The following DPY19L2 variants were observed in gnomAD, a reference collection of about 807,000 sequenced individuals.
DPY19L2 encodes probable C-mannosyltransferase DPY19L2.
DPY19L2 carries 34 observed loss-of-function variants against 97.9 expected under a neutral mutation model. That is an observed-to-expected ratio of 0.35 (90% CI 0.26 to 0.46). DPY19L2 has a LOEUF of 0.46. DPY19L2 is among the 20% of genes least tolerant of loss of function. The probability of loss-of-function intolerance (pLI) is 1.00; values close to 1 mark genes in which losing one functional copy is unlikely to be tolerated. For synonymous variants in DPY19L2, 230 were observed against 307.9 expected, an observed-to-expected ratio of 0.75 and a Z score of 2.65; for missense variants, 623 against 911.4, an observed-to-expected ratio of 0.68 and a Z score of 4.07.
intron 6 of DPY19L2, among the ~76,000 whole-genome samples, chr12:63,632,789 A>G (rs1455882961): frequency 1.7e-4 from 26 of 152,068 alleles, no homozygotes; most frequent in Admixed American, 5.2e-4. Context: ...AAAGCTGGAG[A>G]CATCACACTA....
intron 11 of DPY19L2, among the ~76,000 whole-genome samples, chr12:63,610,841 CAAAAA>C (rs56044043): frequency 5.1e-3 from 55 of 10,738 alleles, no homozygotes; most frequent in African/African-American, 8.4e-3. Flanking sequence ...ATGAATATAG[CAAAAA>C]AAAAAAAAAA....
chr12:63,575,403 T>TA (rs1879639522), intron 19 of DPY19L2, among the ~76,000 whole-genome samples: 1 of 151,520 alleles, frequency 6.6e-6, no homozygotes, highest in African/African-American at 2.4e-5. Context: ...TGATGCTTCT[T>TA]AAAAAACTAG....
intron 16 of DPY19L2, among the ~76,000 whole-genome samples, chr12:63,587,279 A>T (rs2137411859): frequency 6.6e-6 from 1 of 152,190 alleles, no homozygotes; most frequent in South Asian, 2.1e-4. Context: ...TAAAATTACA[A>T]GACAATTTTG....
At chr12:63,639,593 T>C (rs2138070174) in intron 6 of DPY19L2, among the ~76,000 whole-genome samples, 1 of 152,192 alleles carries the variant, frequency 6.6e-6, no homozygotes, top group East Asian at 1.9e-4. Context: ...AACAGACATA[T>C]GAAAAAATGC....
intron 11 of DPY19L2, among the ~76,000 whole-genome samples, chr12:63,609,595 T>C (rs1886622097): frequency 6.6e-6 from 1 of 151,984 alleles, no homozygotes; most frequent in African/African-American, 2.4e-5. Flanking sequence ...AGTTGGCACC[T>C]TGATTTTTGA....
chr12:63,597,741 T>G, intron 14 of DPY19L2, 68 bp downstream of exon 14: 2 of 1,455,112 alleles, frequency 1.4e-6, no homozygotes. Context: ...AATTTTGAGT[T>G]TCAGATTTTA....
At chr12:63,613,542 T>G (rs1329191154) in intron 11 of DPY19L2, among the ~76,000 whole-genome samples, 2 of 151,978 alleles carry the variant, frequency 1.3e-5, no homozygotes, top group Non-Finnish European at 2.9e-5. Context: ...TAAACAAAAC[T>G]TACATTTCAA....
In DPY19L2 at chr12:63,560,279, T is replaced by C. The variant is rs985375204; in HGVS notation, c.*233A>G. 8.1e-6 allele frequency: 3 copies of C among 369,818 alleles called. No individual in the cohort carries two copies. The highest frequency in any genetic ancestry group is 6.2e-5 in the African/African-American group (3 of 48,098). 22.9% of individuals were successfully genotyped at this position (369,818 alleles called of 1,614,324 possible). A position where few individuals can be genotyped will look rare whatever the true frequency, so the allele number is the denominator to read the frequency against. ...AAATTCTGAAATGAACATTTGTTTA[T>C]GCAGTATGACATGAATGATTTAATA... is the stretch of plus-strand genomic sequence containing the variant. On this transcript the variant is annotated 3_prime_UTR_variant, in exon 22 of 22. Transcript: ENST00000324472.
intron 5 of DPY19L2, among the ~76,000 whole-genome samples, chr12:63,646,581 T>TA (rs1344745933): frequency 6.6e-6 from 1 of 152,162 alleles, no homozygotes; most frequent in Non-Finnish European, 1.5e-5. Flanking sequence ...ACTACAGTGT[T>TA]AGTGTTATGA....
chr12:63,632,473 A>C (rs1034760432), intron 6 of DPY19L2, among the ~76,000 whole-genome samples: 1 of 152,206 alleles, frequency 6.6e-6, no homozygotes, highest in Admixed American at 6.5e-5. Context: ...CAATTGCTTC[A>C]AAGAGAATAA....
intron 6 of DPY19L2, among the ~76,000 whole-genome samples, chr12:63,627,538 C>T (rs1304385332): frequency 4.6e-5 from 7 of 152,170 alleles, no homozygotes; most frequent in East Asian, 3.9e-4. Context: ...TTAGTAGAGA[C>T]GGTGCTTCAC....
intron 6 of DPY19L2, among the ~76,000 whole-genome samples, chr12:63,627,625 C>T (rs1889793758): frequency 6.6e-6 from 1 of 152,194 alleles, no homozygotes; most frequent in Admixed American, 6.5e-5. Context: ...GCTGGGATTA[C>T]AGGCGTGAGC....
chr12:63,559,804 C>T lies in DPY19L2; in HGVS notation c.*708G>A, dbSNP rs1272729899. On this transcript the variant is annotated 3_prime_UTR_variant, in exon 22 of 22. Coordinates refer to ENST00000324472, the MANE Select transcript of DPY19L2 (RefSeq NM_173812.5). ...TTTACCTGGATGTTAAAAGAAAAGC[C>T]ACTGGAATCTAAAGAGAGATGAATA... 6.6e-6 allele frequency: 1 copy of T among 151,864 alleles called. No individual in the cohort carries two copies. Among genetic ancestry groups the T allele is most frequent in the East Asian group, 1.9e-4 (1 of 5,186 alleles). The allele number at this position is 151,864 out of a possible 1,614,324, so 9.4% of individuals were successfully genotyped here.
chr12:63,634,778 G>A (rs1252807802), intron 6 of DPY19L2, among the ~76,000 whole-genome samples: 1 of 152,174 alleles, frequency 6.6e-6, no homozygotes, highest in Non-Finnish European at 1.5e-5. Context: ...AAACAAAGCA[G>A]CCAGGAAGCT....
intron 1 of DPY19L2, among the ~76,000 whole-genome samples, chr12:63,667,005 T>A (rs186709811): frequency 1.3e-5 from 2 of 152,274 alleles, no homozygotes; most frequent in Non-Finnish European, 2.9e-5. Flanking sequence ...ATCCAGATCT[T>A]TTCCTATATT....
intron 11 of DPY19L2, among the ~76,000 whole-genome samples, chr12:63,612,411 T>C (rs1276454835): frequency 2.0e-5 from 3 of 152,016 alleles, no homozygotes; most frequent in Non-Finnish European, 2.9e-5. Context: ...CAAAAATTTA[T>C]TGAGATTTCT....
At chr12:63,657,687 C>A (rs1895148086) in intron 4 of DPY19L2, among the ~76,000 whole-genome samples, 1 of 152,036 alleles carries the variant, frequency 6.6e-6, no homozygotes, top group Non-Finnish European at 1.5e-5. Context: ...GATTTCACAA[C>A]ATGGGTGTGA....
chr12:63,607,434 C>A (rs1886239676), intron 12 of DPY19L2, among the ~76,000 whole-genome samples: 1 of 152,036 alleles, frequency 6.6e-6, no homozygotes, highest in African/African-American at 2.4e-5. Flanking sequence ...ATTGGTAGAA[C>A]CAACAAAGAA....
At position 63,560,367 on chromosome 12, in the gene DPY19L2, T is replaced by C; in HGVS notation, c.*145A>G. The C allele has an allele frequency of 9.9e-7, 1 of 1,014,384 alleles. No homozygotes were observed. Among genetic ancestry groups the C allele is most frequent in the Non-Finnish European group, 1.4e-6 (1 of 729,596 alleles). The allele number at this position is 1,014,384 out of a possible 1,614,324, so 62.8% of individuals were successfully genotyped here. A position where few individuals can be genotyped will look rare whatever the true frequency, so the allele number is the denominator to read the frequency against. On this transcript the variant is annotated 3_prime_UTR_variant, in exon 22 of 22. Coordinates refer to ENST00000324472, the MANE Select transcript of DPY19L2 (RefSeq NM_173812.5). The stretch of plus-strand genomic sequence containing the variant: ...AACAGAAAAGTAATTTACCTTTTAG[T>C]AATCAGAAAAATTTCCAATCCATTT...
Sources: gnomAD v4.1 joint callset for allele counts (sites outside exome capture counted in the v4.1 genomes callset) on GRCh38, gnomAD v4.1.1 for gene constraint, MANE v1.5 for transcripts, NCBI Gene and HGNC (gene_info 2026-07-23, HGNC 2026-07-21) for gene names.